Variants in SKAP2 observed in about 807,000 individuals in gnomAD.
The protein encoded by SKAP2 is src kinase associated phosphoprotein 2.
Under a neutral mutation model 54.9 loss-of-function variants are expected in SKAP2, and 28 were observed. The observed-to-expected ratio is 0.51, with a 90% CI of 0.38 to 0.70. SKAP2 has a LOEUF of 0.70. Among genes scored for constraint, SKAP2 ranks in the 30% least tolerant of loss-of-function variants. The pLI is 0.00. For missense variants in SKAP2, 356 were observed against 424.1 expected (o/e 0.84, Z 1.41); for synonymous variants, 137 against 134.3 (o/e 1.02, Z -0.14).
intron 4 of SKAP2, among the ~76,000 whole-genome samples, chr7:26,797,297 G>T (rs1203508186): frequency 6.6e-6 from 1 of 152,242 alleles, no homozygotes; most frequent in Non-Finnish European, 1.5e-5. Context: ...TGCAGTCATA[G>T]TGGTGGCCGC....
Position 26,732,343 on chromosome 7 carries a change from G to C in SKAP2, c.470-5337C>G, listed in dbSNP as rs374136902. On this transcript the variant is annotated intron_variant, in intron 6 of 12. Transcript: ENST00000345317. ...GTGTGTCCCAATAAGATTTTTCATG[G>C]ATTATGCTCAAGATCCAGCCCCCTT... Among the ~76,000 whole-genome samples the C allele has an allele frequency of 9.9e-5, 15 of 152,272 alleles. 1 individual carries two copies. Among genetic ancestry groups the C allele is most frequent in the African/African-American group, 3.6e-4 (15 of 41,562 alleles).
chr7:26,762,206 C>G (rs1313243804), intron 4 of SKAP2, among the ~76,000 whole-genome samples: 2 of 151,882 alleles, frequency 1.3e-5, no homozygotes, highest in Non-Finnish European at 2.9e-5. Context: ...GAGGTCAAGG[C>G]TCTAGTGAGT....
At chr7:26,761,664 C>T (rs539920893) in intron 4 of SKAP2, among the ~76,000 whole-genome samples, 1 of 152,044 alleles carries the variant, frequency 6.6e-6, no homozygotes, top group Non-Finnish European at 1.5e-5. Flanking sequence ...TTTGGGAGGC[C>T]GAGGTGGTCG....
chr7:26,662,191 G>C (rs1373498725), downstream of SKAP2, among the ~76,000 whole-genome samples: 1 of 152,102 alleles, frequency 6.6e-6, no homozygotes, highest in Non-Finnish European at 1.5e-5. Flanking sequence ...CTCTGTAAAA[G>C]ACGTTCACAT....
intron 4 of SKAP2, among the ~76,000 whole-genome samples, chr7:26,759,520 T>C (rs938211182): frequency 1.3e-5 from 2 of 152,094 alleles, no homozygotes; most frequent in Admixed American, 6.5e-5. Context: ...GATTAATACA[T>C]CTCCACATGC....
At chr7:26,725,163 C>A (rs1260451835) in intron 9 of SKAP2, among the ~76,000 whole-genome samples, 1 of 152,074 alleles carries the variant, frequency 6.6e-6, no homozygotes, top group Non-Finnish European at 1.5e-5. Context: ...TAATGAGCCA[C>A]AAGTCCCAAG....
downstream of SKAP2, among the ~76,000 whole-genome samples, chr7:26,663,414 G>T (rs1317365302): frequency 6.6e-6 from 1 of 152,078 alleles, no homozygotes; most frequent in Non-Finnish European, 1.5e-5. Flanking sequence ...AAACACAACA[G>T]AAGTCTTTAT....
At chr7:26,685,552 C>T (rs919968931) in intron 10 of SKAP2, among the ~76,000 whole-genome samples, 1 of 152,132 alleles carries the variant, frequency 6.6e-6, no homozygotes, top group Middle Eastern at 3.2e-3. Context: ...GGACATTAGG[C>T]TCTAAATAAA....
intron 10 of SKAP2, among the ~76,000 whole-genome samples, chr7:26,687,953 T>G (rs1185493956): frequency 1.3e-5 from 2 of 152,042 alleles, no homozygotes; most frequent in African/African-American, 2.4e-5. Context: ...AACTACATTA[T>G]GTTTCTTGTC....
At chr7:26,751,003 T>C (rs539271876) in intron 4 of SKAP2, among the ~76,000 whole-genome samples, 1 of 152,294 alleles carries the variant, frequency 6.6e-6, no homozygotes, top group African/African-American at 2.4e-5. Context: ...GTAACATTTT[T>C]ATAATTTGTG....
intron 4 of SKAP2, among the ~76,000 whole-genome samples, chr7:26,834,118 C>T (rs1370301287): frequency 1.3e-5 from 2 of 152,076 alleles, no homozygotes; most frequent in Non-Finnish European, 2.9e-5. Flanking sequence ...GAAATTAAGG[C>T]AGAAATAAAT....
chr7:26,820,757 T>C (rs1234082092), intron 4 of SKAP2, among the ~76,000 whole-genome samples: 8 of 152,182 alleles, frequency 5.3e-5, no homozygotes. Context: ...TATGATATGA[T>C]TAAATAAAAT....
chr7:26,815,740 T>C (rs560674220), intron 4 of SKAP2, among the ~76,000 whole-genome samples: 1 of 152,218 alleles, frequency 6.6e-6, no homozygotes, highest in African/African-American at 2.4e-5. Flanking sequence ...GATACCCAAA[T>C]AACAGATTCT....
At chr7:26,710,955 A>G (rs1363637890) in intron 9 of SKAP2, among the ~76,000 whole-genome samples, 1 of 152,140 alleles carries the variant, frequency 6.6e-6, no homozygotes, top group East Asian at 1.9e-4. Flanking sequence ...CTATTATACC[A>G]TGATACTATA....
intron 10 of SKAP2, among the ~76,000 whole-genome samples, chr7:26,688,853 G>A (rs889592324): frequency 6.6e-6 from 1 of 152,068 alleles, no homozygotes; most frequent in Non-Finnish European, 1.5e-5. Flanking sequence ...TACCTGCACT[G>A]AAATTTTCTT....
At chr7:26,816,566 T>C (rs1784270612) in intron 4 of SKAP2, among the ~76,000 whole-genome samples, 1 of 152,096 alleles carries the variant, frequency 6.6e-6, no homozygotes, top group African/African-American at 2.4e-5. Flanking sequence ...AAATTAAGAA[T>C]ACTAAGATAT....
At chr7:26,770,746 T>C (rs1406270278) in intron 4 of SKAP2, among the ~76,000 whole-genome samples, 1 of 152,152 alleles carries the variant, frequency 6.6e-6, no homozygotes, top group Admixed American at 6.5e-5. Context: ...GGTGAGATGA[T>C]GCTCCACCCT....
chr7:26,807,961 G>A (rs1204289948), intron 4 of SKAP2, among the ~76,000 whole-genome samples: 1 of 152,166 alleles, frequency 6.6e-6, no homozygotes, highest in African/African-American at 2.4e-5. Flanking sequence ...ATAGACTACA[G>A]TATAGTGTAA....
intron 4 of SKAP2, among the ~76,000 whole-genome samples, chr7:26,758,400 A>G (rs745994053): frequency 5.3e-5 from 8 of 152,188 alleles, no homozygotes; most frequent in Non-Finnish European, 8.8e-5. Context: ...AATCAATACA[A>G]GTATAGTTTT....
Sources: allele counts gnomAD v4.1 joint callset (sites outside exome capture counted in the v4.1 genomes callset), GRCh38; gene constraint gnomAD v4.1.1; transcripts MANE v1.5; gene names NCBI Gene and HGNC (gene_info 2026-07-23, HGNC 2026-07-21).